The following DOCK1 variants were observed in gnomAD, a reference collection of about 807,000 sequenced individuals.
DOCK1 encodes dedicator of cytokinesis 1, also known as dedicator of cytokinesis protein 1.
Under a neutral mutation model 262.7 loss-of-function variants are expected in DOCK1, and 138 were observed. The ratio of observed to expected loss-of-function variants is 0.53; its 90% CI spans 0.46 to 0.61. The LOEUF (loss-of-function observed/expected upper bound fraction) is 0.61, where lower values mean the gene tolerates loss of function less well. Among genes scored for constraint, DOCK1 ranks in the 20% least tolerant of loss-of-function variants. The probability of loss-of-function intolerance (pLI) is 0.00; values close to 1 mark genes in which losing one functional copy is unlikely to be tolerated. For missense variants in DOCK1, 1,908 were observed against 2,370.7 expected (o/e 0.80, Z 4.05); for synonymous variants, 866 against 867.4 (o/e 1.00, Z 0.03).
chr10:126,984,319 A>C (rs1292623309), intron 4 of DOCK1, among the ~76,000 whole-genome samples: 1 of 152,066 alleles, frequency 6.6e-6, no homozygotes, highest in Non-Finnish European at 1.5e-5. Context: ...CTCTTTTCAA[A>C]AAAAATTATT....
intron 27 of DOCK1, among the ~76,000 whole-genome samples, chr10:127,151,827 A>G (rs994363358): frequency 6.6e-6 from 1 of 152,104 alleles, no homozygotes; most frequent in Non-Finnish European, 1.5e-5. Context: ...ATGTATTCGG[A>G]TTCATGTAGA....
At chr10:127,344,055 AC>A (rs757803483) in intron 31 of DOCK1, 7 of 262,226 alleles carry the variant, frequency 2.7e-5, no homozygotes, top group Non-Finnish European at 3.6e-5. Flanking sequence ...CATGTGGTTG[AC>A]TTTATTGCTT....
intron 35 of DOCK1, among the ~76,000 whole-genome samples, chr10:127,375,150 C>A (rs1010903765): frequency 6.6e-6 from 1 of 152,222 alleles, no homozygotes; most frequent in Non-Finnish European, 1.5e-5. Flanking sequence ...TCCATTAGTA[C>A]CAATGAGCTT....
chr10:127,360,129 A>G (rs185164523), intron 32 of DOCK1, among the ~76,000 whole-genome samples: 2 of 152,290 alleles, frequency 1.3e-5, no homozygotes, highest in Admixed American at 1.3e-4. Flanking sequence ...TCGCAGCCCC[A>G]TTTTTAGAAA....
chr10:127,153,010 T>C (rs905270318), intron 27 of DOCK1, among the ~76,000 whole-genome samples: 7 of 152,216 alleles, frequency 4.6e-5, no homozygotes, highest in African/African-American at 1.7e-4. Context: ...TCTGTGTTCT[T>C]AATGCAGAGG....
At chr10:127,252,095 G>A (rs1180080404) in intron 28 of DOCK1, among the ~76,000 whole-genome samples, 4 of 148,202 alleles carry the variant, frequency 2.7e-5, no homozygotes, top group Non-Finnish European at 4.5e-5. Context: ...GTGTGAGATG[G>A]TATCTCATTG....
At chr10:127,321,338 T>C (rs1590433342) in intron 29 of DOCK1, among the ~76,000 whole-genome samples, 1 of 118,746 alleles carries the variant, frequency 8.4e-6, no homozygotes, top group African/African-American at 3.4e-5. Context: ...TCCTCTATCC[T>C]CCCTTCTCTC....
chr10:127,026,204 A>T (rs2042849505), intron 15 of DOCK1, 148 bp from the exon 16 acceptor site: 2 of 785,452 alleles, frequency 2.5e-6, no homozygotes, highest in South Asian at 3.4e-5. Context: ...TTGTCTTTGG[A>T]AAAATCATAT....
chr10:127,374,772 T>C (rs533152076), intron 35 of DOCK1, among the ~76,000 whole-genome samples: 2 of 152,058 alleles, frequency 1.3e-5, no homozygotes, highest in Non-Finnish European at 2.9e-5. Flanking sequence ...CTAGACCTTG[T>C]GAAGATGGAG....
At chr10:127,229,392 C>A (rs1288202667) in intron 27 of DOCK1, among the ~76,000 whole-genome samples, 2 of 152,064 alleles carry the variant, frequency 1.3e-5, no homozygotes, top group Non-Finnish European at 2.9e-5. Context: ...TCTCCCCGGT[C>A]CCCCCGCTCT....
intron 23 of DOCK1, among the ~76,000 whole-genome samples, chr10:127,065,442 C>T (rs528534220): frequency 6.6e-6 from 1 of 152,276 alleles, no homozygotes; most frequent in East Asian, 1.9e-4. Context: ...CCGCACCTGT[C>T]CCTGGATAGA....
chr10:127,202,507 T>G (rs890489400), intron 27 of DOCK1, among the ~76,000 whole-genome samples: 7 of 152,080 alleles, frequency 4.6e-5, no homozygotes, highest in African/African-American at 1.7e-4. Context: ...TTCTCCCAGC[T>G]GGGGGGTGTA....
At chr10:126,978,670 G>A (rs1046949497) in intron 3 of DOCK1, among the ~76,000 whole-genome samples, 1 of 152,126 alleles carries the variant, frequency 6.6e-6, no homozygotes, top group African/African-American at 2.4e-5. Context: ...GGCTGTCCAC[G>A]TTACCCAATA....
chr10:127,243,772 G>T (rs1368634595), intron 27 of DOCK1, among the ~76,000 whole-genome samples: 1 of 152,128 alleles, frequency 6.6e-6, no homozygotes, highest in South Asian at 2.1e-4. Flanking sequence ...AATGGAACTA[G>T]ATCAGGGGCA....
intron 4 of DOCK1, among the ~76,000 whole-genome samples, chr10:126,984,311 C>G (rs2039195730): frequency 6.6e-6 from 1 of 151,958 alleles, no homozygotes; most frequent in Non-Finnish European, 1.5e-5. Context: ...CATTCATTCT[C>G]TTTTCAAAAA....
chr10:127,054,249 T>G (rs1216659635), intron 22 of DOCK1, among the ~76,000 whole-genome samples: 1 of 152,198 alleles, frequency 6.6e-6, no homozygotes, highest in Admixed American at 6.5e-5. Flanking sequence ...TTATTGACTG[T>G]GTGTTGACCT....
At chr10:127,279,250 T>A (rs1168888011) in intron 29 of DOCK1, among the ~76,000 whole-genome samples, 1 of 152,220 alleles carries the variant, frequency 6.6e-6, no homozygotes, top group Non-Finnish European at 1.5e-5. Context: ...AATCAAAGCA[T>A]TTCATATTTA....
intron 2 of DOCK1, among the ~76,000 whole-genome samples, chr10:126,973,647 T>C (rs1480661203): frequency 6.6e-6 from 1 of 152,228 alleles, no homozygotes; most frequent in Non-Finnish European, 1.5e-5. Flanking sequence ...GGTTTTAATC[T>C]GAATCTAATC....
intron 29 of DOCK1, among the ~76,000 whole-genome samples, chr10:127,318,617 C>T (rs751119926): frequency 6.6e-6 from 1 of 152,168 alleles, no homozygotes. Context: ...GTGAAGCTCA[C>T]GAATGCTTTG....
Sources: gnomAD v4.1 joint callset for allele counts (sites outside exome capture counted in the v4.1 genomes callset) on GRCh38, gnomAD v4.1.1 for gene constraint, MANE v1.5 for transcripts, NCBI Gene and HGNC (gene_info 2026-07-23, HGNC 2026-07-21) for gene names.